Variants in ATG14 observed in about 807,000 individuals in gnomAD.
ATG14 encodes the protein autophagy related 14.
ATG14 carries 35 observed loss-of-function variants against 60.4 expected under a neutral mutation model. The ratio of observed to expected loss-of-function variants is 0.58; its 90% CI spans 0.44 to 0.77. ATG14 has a LOEUF of 0.77. Among genes scored for constraint, ATG14 ranks in the 30% least tolerant of loss-of-function variants. ATG14 has a pLI of 0.00. For synonymous variants in ATG14, 234 were observed against 228.8 expected, an observed-to-expected ratio of 1.02 and a Z score of -0.21; for missense variants, 647 against 626.3, an observed-to-expected ratio of 1.03 and a Z score of -0.35.
intron 1 of ATG14, among the ~76,000 whole-genome samples, chr14:55,405,149 G>A (rs1885469235): frequency 6.6e-6 from 1 of 152,202 alleles, no homozygotes. Flanking sequence ...TTGTCTACCT[G>A]TAGAGCTTTT....
chr14:55,370,371 C>T (rs1419332519), intron 9 of ATG14, among the ~76,000 whole-genome samples: 2 of 151,564 alleles, frequency 1.3e-5, no homozygotes, highest in African/African-American at 2.4e-5. Flanking sequence ...ACAAAGAAAA[C>T]TCAGTGGGTT....
rs1246654982 is a variant in ATG14 at position 55,367,589 on chromosome 14, C to G, written c.*2030G>C. The G allele has an allele frequency of 6.6e-6, 1 of 152,136 alleles. No individual in the cohort carries two copies. Among genetic ancestry groups the G allele is most frequent in the Non-Finnish European group, 1.5e-5 (1 of 68,030 alleles). 9.4% of individuals were successfully genotyped at this position (152,136 alleles called of 1,614,324 possible). A position where few individuals can be genotyped will look rare whatever the true frequency, so the allele number is the denominator to read the frequency against. On this transcript the variant is annotated 3_prime_UTR_variant, in exon 10 of 10. Coordinates refer to ENST00000247178, the MANE Select transcript of ATG14 (RefSeq NM_014924.5). ...GAAAACCCCCGTCTTTACTAAAATA[C>G]AAAAATTAGCTGGGCATGATGGCAG...
chr14:55,408,739 C>T (rs952417980), intron 1 of ATG14, among the ~76,000 whole-genome samples: 1 of 152,064 alleles, frequency 6.6e-6, no homozygotes, highest in Non-Finnish European at 1.5e-5. Context: ...CCAGTGCACT[C>T]CAGCCTCGGT....
chr14:55,384,168 T>C (rs1357710348), intron 5 of ATG14, among the ~76,000 whole-genome samples: 1 of 152,208 alleles, frequency 6.6e-6, no homozygotes, highest in Non-Finnish European at 1.5e-5. Flanking sequence ...CAGCTTCTTT[T>C]TAAAAAATTA....
At chr14:55,381,476 G>A (rs568672256) in intron 6 of ATG14, among the ~76,000 whole-genome samples, 35 of 152,070 alleles carry the variant, frequency 2.3e-4, no homozygotes, top group Non-Finnish European at 4.7e-4. Context: ...CCCCCAAAAG[G>A]TGAGACATCT....
intron 1 of ATG14, among the ~76,000 whole-genome samples, chr14:55,402,929 ATATATATATAT>A (rs1885428680): frequency 1.2e-4 from 2 of 16,366 alleles, no homozygotes; most frequent in Non-Finnish European, 2.2e-4. Flanking sequence ...AAAAAAAAAT[ATATATATATAT>A]ATATATATAT....
At chr14:55,381,441 T>C (rs765617184) in intron 6 of ATG14, among the ~76,000 whole-genome samples, 2 of 152,196 alleles carry the variant, frequency 1.3e-5, no homozygotes, top group Non-Finnish European at 1.5e-5. Flanking sequence ...AATAACGTCC[T>C]CTTACATAAA....
chr14:55,372,540 TCCTTCTTTCCCTTTCTCCCTCCCTC>T (rs1021357372), intron 9 of ATG14, among the ~76,000 whole-genome samples: 5 of 151,528 alleles, frequency 3.3e-5, no homozygotes, highest in Admixed American at 3.3e-4. Context: ...ACTCCTCCCT[TCCTTCTTTCCCTTTCTCCCTCCCTC>T]CCTTCTTTCC....
At chr14:55,406,821 C>A (rs543590420) in intron 1 of ATG14, among the ~76,000 whole-genome samples, 1 of 152,246 alleles carries the variant, frequency 6.6e-6, no homozygotes, top group Non-Finnish European at 1.5e-5. Flanking sequence ...TATCCCTGAA[C>A]CCTAAAATTT....
At chr14:55,382,906 C>A (rs1449699659) in intron 5 of ATG14, among the ~76,000 whole-genome samples, 4 of 152,152 alleles carry the variant, frequency 2.6e-5, no homozygotes, top group African/African-American at 9.7e-5. Flanking sequence ...ATAAATAATT[C>A]ATTCAAAAAT....
chr14:55,402,791 G>A (rs1885417767), intron 1 of ATG14, among the ~76,000 whole-genome samples: 1 of 144,220 alleles, frequency 6.9e-6, no homozygotes, highest in Non-Finnish European at 1.5e-5. Flanking sequence ...CAGGTGTGGT[G>A]GCTCACACCT....
At chr14:55,386,143 C>T (rs760513740) in intron 4 of ATG14, 47 bp from the exon 5 acceptor site, 1 of 1,497,768 alleles carries the variant, frequency 6.7e-7, no homozygotes, top group South Asian at 1.2e-5. Flanking sequence ...CAAACAGTTC[C>T]TGTGTACTGC....
At position 55,411,668 on chromosome 14, in the gene ATG14, C is replaced by T; in HGVS notation, c.155G>A (p.Arg52Gln). 2.5e-6 allele frequency: 4 copies of T among 1,613,396 alleles called. No individual in the cohort carries two copies. Among genetic ancestry groups the T allele is most frequent in the Non-Finnish European group, 3.4e-6 (4 of 1,179,898 alleles). The change falls in exon 1 of 10, where the codon CGG becomes CAG. Residue 52 changes from arginine to glutamine, a missense_variant. Coordinates refer to ENST00000247178, the MANE Select transcript of ATG14 (RefSeq NM_014924.5). ...CTGAACGCATTTGGCGCAGGTCAGC[C>T]GCCGGCGGGTAGTGTTGCACAGCGG... ...RCPLCNTTRR[R>Q]LTCAKCVQSG...
chr14:55,391,033 T>G, intron 3 of ATG14, 41 bp from the exon 4 acceptor site: 8 of 1,373,616 alleles, frequency 5.8e-6, no homozygotes, highest in East Asian at 2.3e-5. Context: ...CGTTGGTCTC[T>G]TATGGTTAAT....
chr14:55,401,645 A>C (rs543697513), intron 1 of ATG14, among the ~76,000 whole-genome samples: 5 of 152,260 alleles, frequency 3.3e-5, no homozygotes, highest in African/African-American at 1.2e-4. Flanking sequence ...TTTATGACTT[A>C]TGATTTTTTT....
intron 2 of ATG14, among the ~76,000 whole-genome samples, chr14:55,397,139 T>G (rs1885326401): frequency 6.6e-6 from 1 of 152,200 alleles, no homozygotes; most frequent in African/African-American, 2.4e-5. Flanking sequence ...GGGATTTGAT[T>G]CACTGAGTAT....
intron 7 of ATG14, 149 bp from the exon 8 acceptor site, chr14:55,378,223 C>T (rs1360899097): frequency 1.6e-6 from 1 of 639,800 alleles, no homozygotes; most frequent in Non-Finnish European, 2.8e-6. Flanking sequence ...TAAGAATACA[C>T]CATTCCCCTC....
intron 1 of ATG14, among the ~76,000 whole-genome samples, chr14:55,404,678 T>C (rs925941863): frequency 3.3e-5 from 5 of 152,140 alleles, no homozygotes; most frequent in Non-Finnish European, 7.4e-5. Context: ...GTGCTGCCTC[T>C]CCAGGGTTAA....
intron 3 of ATG14, chr14:55,395,265 C>T: frequency 3.0e-6 from 1 of 338,116 alleles, no homozygotes; most frequent in South Asian, 2.6e-5. Context: ...TGCCAAGCGC[C>T]TGCGAGGCAT....
Sources: gnomAD v4.1 joint callset for allele counts (sites outside exome capture counted in the v4.1 genomes callset) on GRCh38, gnomAD v4.1.1 for gene constraint, MANE v1.5 for transcripts, NCBI Gene and HGNC (gene_info 2026-07-23, HGNC 2026-07-21) for gene names.